PHACTR1: variants seen among roughly 807,000 people sequenced by gnomAD.
PHACTR1 encodes the protein phosphatase and actin regulator 1.
A neutral mutation model predicts 69.2 loss-of-function variants in PHACTR1; 16 were observed. The ratio of observed to expected loss-of-function variants is 0.23; its 90% CI spans 0.16 to 0.35. PHACTR1 has a LOEUF of 0.35. Among genes scored for constraint, PHACTR1 ranks in the 10% least tolerant of loss-of-function variants. The pLI is 1.00. For missense variants in PHACTR1, 510 were observed against 734.7 expected (o/e 0.69, Z 3.54); for synonymous variants, 312 against 284.5 (o/e 1.10, Z -0.97).
intron 4 of PHACTR1, among the ~76,000 whole-genome samples, chr6:12,976,684 C>T (rs1251567399): frequency 1.3e-5 from 2 of 152,168 alleles, no homozygotes; most frequent in East Asian, 1.9e-4. Flanking sequence ...AAATCTTGCT[C>T]CGTCTACTCT....
At chr6:12,744,146 C>G (rs1765464244) in intron 3 of PHACTR1, among the ~76,000 whole-genome samples, 1 of 150,104 alleles carries the variant, frequency 6.7e-6, no homozygotes, top group African/African-American at 2.4e-5. Flanking sequence ...GAGCCCTGTA[C>G]AAGTACTGTG....
chr6:12,838,332 G>A (rs909186890), intron 4 of PHACTR1, among the ~76,000 whole-genome samples: 4 of 152,126 alleles, frequency 2.6e-5, no homozygotes, highest in African/African-American at 9.7e-5. Flanking sequence ...CAGGCACTGT[G>A]TCTGTGTTTA....
At chr6:12,935,347 G>T (rs574201420) in intron 4 of PHACTR1, among the ~76,000 whole-genome samples, 1 of 151,972 alleles carries the variant, frequency 6.6e-6, no homozygotes, top group African/African-American at 2.4e-5. Flanking sequence ...TGATTCAAGC[G>T]ATTCTCCTGC....
chr6:13,276,905 A>T (rs1219147209), intron 11 of PHACTR1, among the ~76,000 whole-genome samples: 1 of 152,252 alleles, frequency 6.6e-6, no homozygotes, highest in Non-Finnish European at 1.5e-5. Context: ...AATATAATTC[A>T]ACAACTGTGA....
intron 4 of PHACTR1, among the ~76,000 whole-genome samples, chr6:12,934,304 C>A (rs528339615): frequency 1.3e-5 from 2 of 152,344 alleles, no homozygotes; most frequent in East Asian, 3.9e-4. Flanking sequence ...CCTAACCTAA[C>A]GACCTTGTTT....
At chr6:12,865,217 G>C (rs1309967611) in intron 4 of PHACTR1, among the ~76,000 whole-genome samples, 1 of 152,180 alleles carries the variant, frequency 6.6e-6, no homozygotes, top group East Asian at 1.9e-4. Context: ...TGTGGGCACT[G>C]GGAGGACTAG....
intron 4 of PHACTR1, among the ~76,000 whole-genome samples, chr6:12,785,693 C>A (rs760016301): frequency 1.3e-5 from 2 of 152,214 alleles, no homozygotes; most frequent in Non-Finnish European, 2.9e-5. Context: ...CAGGCCCGAT[C>A]TCCCAGGTAA....
Position 13,227,198 on chromosome 6 carries a change from T to C in PHACTR1, c.987-618T>C, listed in dbSNP as rs1318674642. On this transcript the variant is annotated intron_variant, in intron 8 of 14. Coordinates refer to ENST00000332995, the MANE Select transcript of PHACTR1 (RefSeq NM_030948.6). ...GTGGGAGAGAACTTTCTCTAGGTCA[T>C]CGCTAACAATGTCATGCATGGGTCT... 2.0e-5 allele frequency among the ~76,000 whole-genome samples: 3 copies of C among 152,198 alleles called. No homozygotes were observed. In the East Asian group the frequency reaches 5.8e-4, roughly 29 times the overall value.
chr6:12,850,196 A>G (rs748595986), intron 4 of PHACTR1, among the ~76,000 whole-genome samples: 1 of 152,200 alleles, frequency 6.6e-6, no homozygotes, highest in Non-Finnish European at 1.5e-5. Flanking sequence ...CCTATGCCAG[A>G]TATTGGATCT....
At chr6:12,973,841 A>G (rs377113376) in intron 4 of PHACTR1, among the ~76,000 whole-genome samples, 19 of 152,074 alleles carry the variant, frequency 1.2e-4, no homozygotes, top group East Asian at 9.7e-4. Flanking sequence ...TGTTTTTTCA[A>G]GGTGGGAGAA....
intron 5 of PHACTR1, among the ~76,000 whole-genome samples, chr6:13,106,231 C>A (rs116048796): frequency 0.012 from 1,860 of 152,196 alleles, 43 homozygotes; most frequent in African/African-American, 0.042. Flanking sequence ...ATATTGCCTG[C>A]AAATAAATAT....
At chr6:13,104,335 T>C (rs966939539) in intron 5 of PHACTR1, among the ~76,000 whole-genome samples, 3 of 152,188 alleles carry the variant, frequency 2.0e-5, no homozygotes, top group Non-Finnish European at 1.5e-5. Flanking sequence ...TTATGTAATC[T>C]GGTGAAATAT....
chr6:13,181,687 C>A (rs1314620322), intron 6 of PHACTR1, among the ~76,000 whole-genome samples: 3 of 152,120 alleles, frequency 2.0e-5, no homozygotes, highest in African/African-American at 7.2e-5. Flanking sequence ...CCCAGCATCG[C>A]TGAGTGGCTG....
At chr6:13,198,864 T>C (rs1229666566) in intron 7 of PHACTR1, among the ~76,000 whole-genome samples, 5 of 152,220 alleles carry the variant, frequency 3.3e-5, no homozygotes, top group East Asian at 1.9e-4. Context: ...GTTTATCTTA[T>C]ACTTTTTAGA....
chr6:12,957,557 C>T (rs921174999), intron 4 of PHACTR1: 16 of 985,418 alleles, frequency 1.6e-5, no homozygotes, highest in Non-Finnish European at 1.8e-5. Context: ...AAGAGGCAGT[C>T]TGTGCCCCAC....
chr6:13,230,935 G>A (rs901015311), intron 10 of PHACTR1, among the ~76,000 whole-genome samples: 6 of 151,846 alleles, frequency 4.0e-5, no homozygotes, highest in Non-Finnish European at 7.4e-5. Flanking sequence ...AGGATGGCTT[G>A]AGCACAGGAG....
intron 5 of PHACTR1, among the ~76,000 whole-genome samples, chr6:13,119,732 T>A (rs1818417825): frequency 6.6e-6 from 1 of 152,180 alleles, no homozygotes; most frequent in Non-Finnish European, 1.5e-5. Context: ...TGCTAAAGCT[T>A]TAGCACCTGG....
At chr6:13,171,557 A>G (rs897117806) in intron 6 of PHACTR1, among the ~76,000 whole-genome samples, 6 of 152,216 alleles carry the variant, frequency 3.9e-5, no homozygotes, top group African/African-American at 9.6e-5. Context: ...GCATCGGCCA[A>G]TGCAGTATCC....
intron 4 of PHACTR1, among the ~76,000 whole-genome samples, chr6:12,750,615 G>A (rs968593952): frequency 6.6e-6 from 1 of 152,072 alleles, no homozygotes; most frequent in Non-Finnish European, 1.5e-5. Flanking sequence ...GGGATTCAGA[G>A]TCAAAAAATG....
Sources: allele counts gnomAD v4.1 joint callset (sites outside exome capture counted in the v4.1 genomes callset), GRCh38; gene constraint gnomAD v4.1.1; transcripts MANE v1.5; gene names NCBI Gene and HGNC (gene_info 2026-07-23, HGNC 2026-07-21).